Variants in TENM3 observed in about 807,000 individuals in gnomAD.
TENM3 encodes teneurin transmembrane protein 3, also known as teneurin-3.
TENM3 carries 63 observed loss-of-function variants against 255.1 expected under a neutral mutation model. The observed-to-expected ratio is 0.25, with a 90% confidence interval of 0.20 to 0.30. TENM3 has a LOEUF of 0.30. TENM3 is among the 10% of genes least tolerant of loss of function. The pLI, the probability that TENM3 is intolerant of heterozygous loss-of-function variation, is 1.00. For synonymous variants in TENM3, 1,306 were observed against 1,322.3 expected, an observed-to-expected ratio of 0.99 and a Z score of 0.27; for missense variants, 2,929 against 3,461.1, an observed-to-expected ratio of 0.85 and a Z score of 3.86.
chr4:182,575,029 G>C (rs906320101), intron 3 of TENM3, among the ~76,000 whole-genome samples: 2 of 152,194 alleles, frequency 1.3e-5, no homozygotes, highest in East Asian at 3.9e-4. Flanking sequence ...ATTAAGAAAA[G>C]CCCCTTATTA....
At chr4:181,901,201 C>T in the TENM3 span, among the ~76,000 whole-genome samples, 1 of 152,178 alleles carries the variant, frequency 6.6e-6, no homozygotes, top group East Asian at 1.9e-4. Context: ...ATATATGAGC[C>T]TGTCTGTCAT....
At chr4:182,740,610 A>T (rs1761528615) in intron 18 of TENM3, among the ~76,000 whole-genome samples, 1 of 152,278 alleles carries the variant, frequency 6.6e-6, no homozygotes, top group Non-Finnish European at 1.5e-5. Flanking sequence ...ACAGGATTTC[A>T]CTCAAGAGAT....
the TENM3 span, among the ~76,000 whole-genome samples, chr4:181,565,770 G>T: frequency 6.6e-6 from 1 of 152,264 alleles, no homozygotes; most frequent in African/African-American, 2.4e-5. Flanking sequence ...AAAGTAGATT[G>T]CAATTAATCA....
the TENM3 span, among the ~76,000 whole-genome samples, chr4:181,730,017 C>G: frequency 1.3e-5 from 2 of 152,158 alleles, no homozygotes; most frequent in Non-Finnish European, 2.9e-5. Context: ...GACAGTCTCT[C>G]GCGCGGACCA....
intron 5 of TENM3, among the ~76,000 whole-genome samples, chr4:182,636,126 C>G (rs1236587896): frequency 2.0e-5 from 3 of 152,092 alleles, no homozygotes; most frequent in Non-Finnish European, 4.4e-5. Context: ...GCATTATAGT[C>G]AGAAAATGCG....
chr4:181,625,227 T>A, the TENM3 span, among the ~76,000 whole-genome samples: 1 of 152,214 alleles, frequency 6.6e-6, no homozygotes, highest in Non-Finnish European at 1.5e-5. Context: ...GAGGATGGGA[T>A]GATCCCTGGC....
chr4:181,706,562 C>T, the TENM3 span, among the ~76,000 whole-genome samples: 2 of 152,152 alleles, frequency 1.3e-5, no homozygotes, highest in African/African-American at 4.8e-5. Context: ...TAGGATTCCC[C>T]AGATAAGTAT....
chr4:182,100,785 A>T, the TENM3 span, among the ~76,000 whole-genome samples: 4 of 10,698 alleles, frequency 3.7e-4, 2 homozygotes, highest in African/African-American at 8.1e-4. Flanking sequence ...ATATATATAC[A>T]CATATATATA....
At chr4:181,856,085 AG>A in the TENM3 span, among the ~76,000 whole-genome samples, 15 of 133,078 alleles carry the variant, frequency 1.1e-4, no homozygotes, top group Non-Finnish European at 1.8e-4. Context: ...GAAGGAAGGA[AG>A]GAAGGAAAGG....
At chr4:182,491,389 A>ATGTGTG (rs147076817) in intron 3 of TENM3, among the ~76,000 whole-genome samples, 2,104 of 150,798 alleles carry the variant, frequency 0.014, 20 homozygotes, top group Middle Eastern at 0.032. Context: ...AGTGAAATTT[A>ATGTGTG]TGTGTGTGTG....
chr4:182,325,633 T>G (rs539679548), intron 2 of TENM3, among the ~76,000 whole-genome samples: 33 of 152,160 alleles, frequency 2.2e-4, no homozygotes, highest in Non-Finnish European at 4.1e-4. Context: ...GTACATTTTT[T>G]CAACAATTTA....
At chr4:182,719,976 A>C (rs1430977850) in intron 13 of TENM3, among the ~76,000 whole-genome samples, 1 of 151,968 alleles carries the variant, frequency 6.6e-6, no homozygotes. Context: ...TGGGAGGATC[A>C]CCTGAGCCTG....
chr4:181,703,247 C>G, the TENM3 span, among the ~76,000 whole-genome samples: 1 of 152,170 alleles, frequency 6.6e-6, no homozygotes, highest in Non-Finnish European at 1.5e-5. Context: ...ATGTGGGAGT[C>G]GTACATTGCA....
At chr4:181,596,223 G>A in the TENM3 span, among the ~76,000 whole-genome samples, 2 of 152,164 alleles carry the variant, frequency 1.3e-5, no homozygotes, top group African/African-American at 4.8e-5. Flanking sequence ...GAAACAATGT[G>A]AATAATATCT....
chr4:182,708,969 GT>G (rs77989335), intron 12 of TENM3, among the ~76,000 whole-genome samples: 5 of 151,292 alleles, frequency 3.3e-5, no homozygotes, highest in Middle Eastern at 3.4e-3. Flanking sequence ...AAAGCAGTGG[GT>G]TTTTTTTTGT....
the TENM3 span, among the ~76,000 whole-genome samples, chr4:182,098,963 C>CTTTTTTTT: frequency 6.1e-5 from 8 of 131,230 alleles, no homozygotes; most frequent in East Asian, 2.2e-4. Flanking sequence ...CTCTTTTTTT[C>CTTTTTTTT]TTTTTTTTTT....
At chr4:181,543,123 C>A in the TENM3 span, among the ~76,000 whole-genome samples, 1 of 152,274 alleles carries the variant, frequency 6.6e-6, no homozygotes, top group Middle Eastern at 3.4e-3. Flanking sequence ...AAAGACAGAA[C>A]CCCTAAAATT....
At chr4:181,850,486 C>T in the TENM3 span, among the ~76,000 whole-genome samples, 3 of 152,046 alleles carry the variant, frequency 2.0e-5, no homozygotes, top group East Asian at 3.9e-4. Context: ...ATTTATATTT[C>T]TCAAAACTTT....
the TENM3 span, among the ~76,000 whole-genome samples, chr4:181,794,726 G>A: frequency 6.8e-6 from 1 of 146,188 alleles, no homozygotes; most frequent in African/African-American, 2.5e-5. Flanking sequence ...CTTTTATTAT[G>A]TAGTATTTTG....
Sources: allele counts gnomAD v4.1 joint callset (sites outside exome capture counted in the v4.1 genomes callset), GRCh38; gene constraint gnomAD v4.1.1; transcripts MANE v1.5; gene names NCBI Gene and HGNC (gene_info 2026-07-23, HGNC 2026-07-21).